Variants in MYT1L observed in about 807,000 individuals in gnomAD.
The protein encoded by MYT1L is myelin transcription factor 1-like protein.
Under a neutral mutation model 126.7 loss-of-function variants are expected in MYT1L, and 12 were observed. The ratio of observed to expected loss-of-function variants is 0.09; its 90% confidence interval spans 0.06 to 0.15. The LOEUF (loss-of-function observed/expected upper bound fraction) is 0.15, where lower values mean the gene tolerates loss of function less well. Among genes scored for constraint, MYT1L ranks in the 10% least tolerant of loss-of-function variants. The pLI is 1.00. For synonymous variants in MYT1L, 541 were observed against 604.2 expected (o/e 0.90, Z 1.53); for missense variants, 979 against 1,585.2 (o/e 0.62, Z 6.49).
intron 2 of MYT1L, among the ~76,000 whole-genome samples, chr2:2,226,897 C>T (rs559178796): frequency 9.2e-5 from 14 of 152,316 alleles, no homozygotes; most frequent in African/African-American, 3.1e-4. Context: ...TAGATAAGCT[C>T]TTTCTAATGT....
chr2:2,214,007 T>G (rs1426258667), intron 2 of MYT1L, among the ~76,000 whole-genome samples: 1 of 152,090 alleles, frequency 6.6e-6, no homozygotes, highest in Non-Finnish European at 1.5e-5. Flanking sequence ...AAAAATTAAA[T>G]CAAATTCTAA....
intron 18 of MYT1L, among the ~76,000 whole-genome samples, chr2:1,858,970 G>T (rs568232077): frequency 6.6e-6 from 1 of 152,112 alleles, no homozygotes; most frequent in South Asian, 2.1e-4. Flanking sequence ...AGGGTGCGGC[G>T]GCATGCCTGC....
At chr2:2,229,453 T>G (rs999442706) in intron 2 of MYT1L, among the ~76,000 whole-genome samples, 37 of 152,270 alleles carry the variant, frequency 2.4e-4, no homozygotes, top group African/African-American at 7.7e-4. Flanking sequence ...TCTTTTTTTT[T>G]TGTGTGTGGA....
At chr2:2,235,228 G>A (rs1378268298) in intron 2 of MYT1L, among the ~76,000 whole-genome samples, 4 of 152,074 alleles carry the variant, frequency 2.6e-5, no homozygotes, top group Non-Finnish European at 5.9e-5. Flanking sequence ...CCCCTTAGAG[G>A]CGTGTGTATA....
At position 1,912,206 on chromosome 2, in the gene MYT1L, C is replaced by T; in HGVS notation, c.1619-96G>A. The T allele has an allele frequency of 1.3e-6, 1 of 778,838 alleles. No individual in the cohort carries two copies. Among genetic ancestry groups the T allele is most frequent in the Non-Finnish European group, 2.0e-6 (1 of 500,580 alleles). The allele number at this position is 778,838 out of a possible 1,614,324, so 48.2% of individuals were successfully genotyped here. On this transcript the variant is annotated intron_variant, in intron 11 of 24. Coordinates refer to ENST00000647738, the MANE Select transcript of MYT1L (RefSeq NM_001303052.2). This position sits in a 1 kb window ranked among gnomAD's most constrained non-coding sequence, Gnocchi z 4.3. ...GTCATTTAACAAAGGCCAGGTCGCT[C>T]ATGATAGACAGTCCTACAAACGTTT...
rs1465388 is a variant in MYT1L at position 2,228,971 on chromosome 2, C to A, written c.-421+55433G>T. Among the ~76,000 whole-genome samples the A allele has an allele frequency of 0.82, 124,344 of 152,030 alleles. 51,719 individuals are homozygous for A. Among genetic ancestry groups the A allele is most frequent in the East Asian group, 1 (5,138 of 5,150 alleles). On this transcript the variant is annotated intron_variant, in intron 2 of 24. Transcript: ENST00000647738. This position sits in a 1 kb window ranked among gnomAD's most constrained non-coding sequence, Gnocchi z 5.9. The stretch of plus-strand genomic sequence containing the variant: ...GAAGTGAAACACGGGGGTCTTCCAA[C>A]GTATCCAGCTGAGCTCCTGGCTCCG...
At chr2:1,800,355 A>G (rs2034603143) in intron 23 of MYT1L, 1 of 152,298 alleles carries the variant, frequency 6.6e-6, no homozygotes, top group Non-Finnish European at 1.5e-5. Flanking sequence ...AGCCAGGCCA[A>G]TGCGAGACTC....
chr2:2,043,679 C>T (rs1384009426), intron 4 of MYT1L, among the ~76,000 whole-genome samples: 3 of 152,142 alleles, frequency 2.0e-5, no homozygotes, highest in African/African-American at 7.2e-5. Context: ...CCTTCCTTGC[C>T]CTGAGCTCAG....
intron 4 of MYT1L, among the ~76,000 whole-genome samples, chr2:2,048,757 T>C (rs1239362138): frequency 6.6e-6 from 1 of 152,194 alleles, no homozygotes; most frequent in Non-Finnish European, 1.5e-5. Context: ...CCAACTTTGC[T>C]TCCATCAGGG....
chr2:2,178,917 T>C (rs1175460692), intron 2 of MYT1L, among the ~76,000 whole-genome samples: 1 of 152,326 alleles, frequency 6.6e-6, no homozygotes. Flanking sequence ...TAAGATTTAA[T>C]TGCAGTGAAT....
intron 2 of MYT1L, among the ~76,000 whole-genome samples, chr2:2,179,404 G>A (rs919923644): frequency 6.6e-6 from 1 of 152,040 alleles, no homozygotes; most frequent in Non-Finnish European, 1.5e-5. Flanking sequence ...ACCAGACCCC[G>A]AAACCTGTTC....
intron 21 of MYT1L, among the ~76,000 whole-genome samples, chr2:1,812,822 GCCGAGAT>G (rs1203128977): frequency 6.7e-6 from 1 of 148,266 alleles, no homozygotes; most frequent in African/African-American, 2.5e-5. Context: ...GTTGCAGTGA[GCCGAGAT>G]CGCACTGCTG....
At chr2:2,033,984 G>C (rs149157717) in intron 4 of MYT1L, among the ~76,000 whole-genome samples, 4 of 152,292 alleles carry the variant, frequency 2.6e-5, no homozygotes, top group South Asian at 2.1e-4. Flanking sequence ...AAATGCACTT[G>C]AATTTCCAGA....
intron 21 of MYT1L, among the ~76,000 whole-genome samples, chr2:1,809,418 G>A (rs1199027927): frequency 1.8e-5 from 2 of 113,038 alleles, no homozygotes; most frequent in Non-Finnish European, 2.0e-5. Context: ...GCCTCTTGGC[G>A]GGGGGTCTTG....
chr2:2,156,569 G>T (rs761407566), intron 3 of MYT1L, among the ~76,000 whole-genome samples: 28 of 152,246 alleles, frequency 1.8e-4, no homozygotes, highest in Non-Finnish European at 3.1e-4. Flanking sequence ...TAGATTAGAA[G>T]TTTATTGTGC....
Position 2,165,290 on chromosome 2 carries a change from A to ACT in MYT1L, c.-304+7581_-304+7582insAG, listed in dbSNP as rs766467602. Among the ~76,000 whole-genome samples, 12 of 150,010 alleles carry ACT rather than the reference A, an allele frequency of 8.0e-5. No individual in the cohort carries two copies. In the South Asian group the frequency reaches 1.5e-3, roughly 19 times the overall value. On this transcript the variant is annotated intron_variant, in intron 3 of 24. Coordinates refer to ENST00000647738, the MANE Select transcript of MYT1L (RefSeq NM_001303052.2). Reference sequence around the variant, plus strand: ...TACGGGTGGGGTACACAAACCAATCACACACACACACACACACGTGCACAC... The same window carrying ACT: ...TACGGGTGGGGTACACAAACCAATCACTCACACACACACACACACGTGCACAC...
chr2:1,855,548 A>G (rs1558768839), intron 18 of MYT1L, among the ~76,000 whole-genome samples: 1 of 152,138 alleles, frequency 6.6e-6, no homozygotes, highest in Non-Finnish European at 1.5e-5. Flanking sequence ...AAAGAGCACC[A>G]CTCACCTAGC....
At chr2:2,027,280 CCT>C (rs936215344) in intron 4 of MYT1L, among the ~76,000 whole-genome samples, 1 of 152,142 alleles carries the variant, frequency 6.6e-6, no homozygotes, top group Admixed American at 6.5e-5. Context: ...CTTCCAGGCA[CCT>C]CTCTGCCCAG....
intron 19 of MYT1L, among the ~76,000 whole-genome samples, chr2:1,844,923 C>T (rs2042291163): frequency 6.6e-6 from 1 of 151,808 alleles, no homozygotes; most frequent in Non-Finnish European, 1.5e-5. Context: ...CAGCTCCATG[C>T]TCTGCTCAGG....
Sources: allele counts gnomAD v4.1 joint callset (sites outside exome capture counted in the v4.1 genomes callset), GRCh38; gene constraint gnomAD v4.1.1; non-coding constraint Gnocchi (gnomAD v3.1); transcripts MANE v1.5; gene names NCBI Gene and HGNC (gene_info 2026-07-23, HGNC 2026-07-21).